SLIT1: variants seen among roughly 807,000 people sequenced by gnomAD.
The protein encoded by SLIT1 is slit homolog 1 protein.
SLIT1 carries 66 observed loss-of-function variants against 186.1 expected under a neutral mutation model. That is an observed-to-expected ratio of 0.35 (90% CI 0.29 to 0.44). The LOEUF is 0.44. Among genes scored for constraint, SLIT1 ranks in the 20% least tolerant of loss-of-function variants. SLIT1 has a pLI of 1.00. For synonymous variants in SLIT1, 761 were observed against 833.8 expected (o/e 0.91, Z 1.50); for missense variants, 1,638 against 2,037.4 (o/e 0.80, Z 3.77).
At chr10:97,169,268 G>T (rs1341383336) in intron 1 of SLIT1, among the ~76,000 whole-genome samples, 3 of 152,192 alleles carry the variant, frequency 2.0e-5, no homozygotes, top group Admixed American at 2.0e-4. Context: ...CCTCTCAGGG[G>T]AGAGCCCCTC....
intron 8 of SLIT1, among the ~76,000 whole-genome samples, chr10:97,061,136 G>A (rs919299883): frequency 1.3e-5 from 2 of 152,220 alleles, no homozygotes; most frequent in Non-Finnish European, 2.9e-5. Context: ...TCCCATGAGG[G>A]TGATAATGTT....
chr10:97,146,204 G>C (rs763411319), intron 4 of SLIT1, among the ~76,000 whole-genome samples: 10 of 152,192 alleles, frequency 6.6e-5, no homozygotes, highest in Non-Finnish European at 1.3e-4. Context: ...ACTGCAAAGA[G>C]CTTGAGGAAC....
chr10:97,104,924 C>T (rs1849397707), intron 4 of SLIT1, among the ~76,000 whole-genome samples: 1 of 152,154 alleles, frequency 6.6e-6, no homozygotes, highest in Admixed American at 6.5e-5. Flanking sequence ...CCAGGAAACC[C>T]CACCTCCCAC....
rs186259957 is a variant in SLIT1 at position 97,148,606 on chromosome 10, C to T, written c.413+9212G>A. On this transcript the variant is annotated intron_variant, in intron 4 of 36. Transcript: ENST00000266058. Reference sequence around the variant, plus strand: ...AAAACTTTATTTTTTTAAAATTTTGCATGTTAGCTCAATCACCTTTAAATG... The same window carrying T: ...AAAACTTTATTTTTTTAAAATTTTGTATGTTAGCTCAATCACCTTTAAATG... Among the ~76,000 whole-genome samples, 290 of 152,190 alleles carry T rather than the reference C, an allele frequency of 1.9e-3. 1 individual carries two copies. The highest frequency in any genetic ancestry group is 4.1e-3 in the Admixed American group (62 of 15,286).
rs759376722 is a variant in SLIT1, at chr10:97,040,027, C to T, written c.2258G>A (p.Arg753Gln). Residue 753 changes from arginine to glutamine, a missense_variant, in exon 21 of 37, where the codon CGG becomes CAG. By Grantham distance (43) the Arg-to-Gln change is conservative (BLOSUM62 1). This residue lies in a region of SLIT1 where 1,245 missense variants were observed against 1,535.3 expected (regional missense o/e 0.81). Transcript: ENST00000266058. The part of the protein sequence containing the change: ...TVVRCSNKHL[R>Q]ALPKGIPKNV... ...CTTGGGAATGCCCTTGGGCAGGGCC[C>T]GCAGGTGCTTGTTGCTGCATCGGAC... The T allele has an allele frequency of 6.9e-5, 111 of 1,613,556 alleles. No individual in the cohort carries two copies. Among genetic ancestry groups the T allele is most frequent in the East Asian group, 2.2e-4 (10 of 44,838 alleles).
intron 23 of SLIT1, 35 bp from the exon 24 acceptor site, chr10:97,031,712 T>C (rs1848592752): frequency 3.3e-6 from 5 of 1,503,914 alleles, no homozygotes; most frequent in Middle Eastern, 2.0e-4. Context: ...GGGCACTGTG[T>C]TAGTGCCTGG....
chr10:97,086,271 A>G (rs533127704), intron 4 of SLIT1, among the ~76,000 whole-genome samples: 1 of 152,328 alleles, frequency 6.6e-6, no homozygotes, highest in South Asian at 2.1e-4. Context: ...TTATTCAGTG[A>G]TAAAAAGAAA....
chr10:97,031,544 G>T, intron 24 of SLIT1, 62 bp downstream of exon 24: 3 of 1,328,290 alleles, frequency 2.3e-6, no homozygotes, highest in Non-Finnish European at 3.2e-6. Flanking sequence ...TGCCCACCAG[G>T]TGGGTGGCAG....
intron 4 of SLIT1, among the ~76,000 whole-genome samples, chr10:97,148,827 C>T (rs954108883): frequency 1.3e-5 from 2 of 151,930 alleles, no homozygotes; most frequent in Non-Finnish European, 2.9e-5. Flanking sequence ...TTCTAAAATC[C>T]TCACCTCCCT....
intron 1 of SLIT1, among the ~76,000 whole-genome samples, chr10:97,169,091 CA>C (rs1448344357): frequency 1.3e-5 from 2 of 152,132 alleles, no homozygotes; most frequent in Non-Finnish European, 2.9e-5. Context: ...CCCCACTCCA[CA>C]CAAGACCTAA....
chr10:97,127,937 G>A (rs1248430463), intron 4 of SLIT1, among the ~76,000 whole-genome samples: 1 of 152,120 alleles, frequency 6.6e-6, no homozygotes, highest in East Asian at 1.9e-4. Context: ...AGGAGAGGTA[G>A]AAAACCCAGA....
intron 4 of SLIT1, among the ~76,000 whole-genome samples, chr10:97,095,341 C>G (rs1849276921): frequency 6.6e-6 from 1 of 152,190 alleles, no homozygotes; most frequent in African/African-American, 2.4e-5. Flanking sequence ...GCTTTCCAGC[C>G]AGAGTCCAGT....
chr10:97,089,552 G>A (rs1204495523), intron 4 of SLIT1, among the ~76,000 whole-genome samples: 1 of 152,212 alleles, frequency 6.6e-6, no homozygotes, highest in Non-Finnish European at 1.5e-5. Flanking sequence ...ACCTGCCCAC[G>A]GGGATGTGTC....
intron 4 of SLIT1, among the ~76,000 whole-genome samples, chr10:97,122,608 G>T (rs1849569376): frequency 6.6e-6 from 1 of 152,178 alleles, no homozygotes; most frequent in African/African-American, 2.4e-5. Flanking sequence ...GTCCAGGGAG[G>T]TACATACTCC....
At chr10:97,078,350 G>A (rs1849066723) in intron 4 of SLIT1, among the ~76,000 whole-genome samples, 1 of 152,056 alleles carries the variant, frequency 6.6e-6, no homozygotes, top group South Asian at 2.1e-4. Flanking sequence ...TCCTGTGGCA[G>A]CCCCCTCCTT....
intron 14 of SLIT1, 133 bp from the exon 15 acceptor site, chr10:97,048,129 G>A (rs1848751652): frequency 1.1e-6 from 1 of 940,784 alleles, no homozygotes; most frequent in Non-Finnish European, 1.7e-6. Flanking sequence ...CAGTCCCTGT[G>A]TGCAGAAGGG....
intron 4 of SLIT1, among the ~76,000 whole-genome samples, chr10:97,078,462 T>C (rs1366291527): frequency 6.6e-6 from 1 of 152,146 alleles, no homozygotes; most frequent in Non-Finnish European, 1.5e-5. Flanking sequence ...AGGGTAACAT[T>C]TCCTTGAACC....
chr10:97,040,197 T>G, intron 20 of SLIT1, 77 bp from the exon 21 acceptor site: 1 of 1,401,776 alleles, frequency 7.1e-7, no homozygotes, highest in Non-Finnish European at 9.4e-7. Context: ...AGGGCCATGC[T>G]CTGGGGCCTC....
At chr10:97,070,921 C>G (rs1022445553) in intron 4 of SLIT1, among the ~76,000 whole-genome samples, 1 of 152,108 alleles carries the variant, frequency 6.6e-6, no homozygotes, top group Admixed American at 6.5e-5. Flanking sequence ...TGGGCTCAAG[C>G]GATCCTCCCC....
Sources: gnomAD v4.1 joint callset for allele counts (sites outside exome capture counted in the v4.1 genomes callset) on GRCh38, gnomAD v4.1.1 for gene constraint, gnomAD v4.1.1 regional missense constraint, MANE v1.5 for transcripts, NCBI Gene and HGNC (gene_info 2026-07-23, HGNC 2026-07-21) for gene names.